SMG7: variants seen among roughly 807,000 people sequenced by gnomAD.
SMG7 encodes SMG7 nonsense mediated mRNA decay factor.
A neutral mutation model predicts 148.2 loss-of-function variants in SMG7; 34 were observed. That is an observed-to-expected ratio of 0.23 (90% confidence interval 0.17 to 0.31). The LOEUF (loss-of-function observed/expected upper bound fraction) is 0.31. Among genes scored for constraint, SMG7 ranks in the 10% least tolerant of loss-of-function variants. The probability of loss-of-function intolerance (pLI) is 1.00; values close to 1 mark genes in which losing one functional copy is unlikely to be tolerated. For missense variants in SMG7, 1,114 were observed against 1,408.4 expected, an observed-to-expected ratio of 0.79 and a Z score of 3.35; for synonymous variants, 492 against 515.1, an observed-to-expected ratio of 0.96 and a Z score of 0.61.
At chr1:183,536,170 C>T (rs1373915187) in intron 10 of SMG7, among the ~76,000 whole-genome samples, 1 of 151,922 alleles carries the variant, frequency 6.6e-6, no homozygotes, top group African/African-American at 2.4e-5. Context: ...AGGTAAGCTT[C>T]ATATTAAGGA....
intron 1 of SMG7, among the ~76,000 whole-genome samples, chr1:183,485,175 G>A (rs917756852): frequency 1.3e-5 from 2 of 152,040 alleles, no homozygotes; most frequent in South Asian, 4.2e-4. Context: ...GGCAGAGCTG[G>A]GTTTTGAACC....
rs536954379 is a variant in SMG7, at chr1:183,523,560, A to G, written c.313-3036A>G. On this transcript the variant is annotated intron_variant, in intron 4 of 22. Coordinates refer to ENST00000688051, the MANE Select transcript of SMG7 (RefSeq NM_001375584.1). Reference sequence around the variant, plus strand: ...AGGAAACTACTACAAAGTAATGTACATCAGGGTCAACCTATATGAAGGTAG... The same window carrying G: ...AGGAAACTACTACAAAGTAATGTACGTCAGGGTCAACCTATATGAAGGTAG... Among the ~76,000 whole-genome samples, 18 of 152,360 alleles carry G rather than the reference A, an allele frequency of 1.2e-4. No individual in the cohort carries two copies. The South Asian group carries it at 2.7e-3, about 23-fold the overall frequency.
At position 183,553,043 on chromosome 1, in the gene SMG7, A is replaced by G; in HGVS notation, c.*1112A>G. On this transcript the variant is annotated 3_prime_UTR_variant, in exon 23 of 23. Transcript: ENST00000688051. ...GTCTGAAGAGGAAGGAAGCAGCAGT[A>G]TCTGCGTAGCCCACAGAGGGCCCAG... The G allele has an allele frequency of 1.3e-6, 2 of 1,536,260 alleles. No homozygotes were observed. The highest frequency in any genetic ancestry group is 1.7e-6 in the Non-Finnish European group (2 of 1,146,932).
At chr1:183,547,042 CT>C in intron 17 of SMG7, 60 bp from the exon 18 acceptor site, 1 of 1,467,818 alleles carries the variant, frequency 6.8e-7, no homozygotes, top group Non-Finnish European at 9.2e-7. Flanking sequence ...AATTATGCTA[CT>C]ATTCCTTTAT....
intron 22 of SMG7, 82 bp downstream of exon 22, chr1:183,551,272 TCTCAGGCC>T (rs1671004061): frequency 7.2e-7 from 1 of 1,389,978 alleles, no homozygotes; most frequent in African/African-American, 1.4e-5. Flanking sequence ...TAGCTAGACT[TCTCAGGCC>T]CTCGGAGTTG....
At chr1:183,484,427 C>T (rs1460165070) in intron 1 of SMG7, among the ~76,000 whole-genome samples, 1 of 151,070 alleles carries the variant, frequency 6.6e-6, no homozygotes, top group Non-Finnish European at 1.5e-5. Context: ...GATAGAGGGC[C>T]AGCTCATACC....
In SMG7 at chr1:183,550,762, C is replaced by G; in HGVS notation, c.3145C>G (p.Pro1049Ala). The stretch of plus-strand genomic sequence containing the variant: ...CTATTATTTAATAGATCATTCAACA[C>G]CAGCCAGCCAGTCTCCTCATTCCTC... ...SLPASSDHST[P>A]ASQSPHSSNP... The change falls in exon 21 of 23, where the codon CCA becomes GCA. Residue 1049 changes from proline to alanine, a missense_variant. Transcript: ENST00000688051. 2 of 1,613,934 alleles carry G rather than the reference C, an allele frequency of 1.2e-6. No homozygotes were observed. The highest frequency in any genetic ancestry group is 1.7e-6 in the Non-Finnish European group (2 of 1,179,842).
Position 183,503,400 on chromosome 1 carries a change from A to G in SMG7, c.30-9437A>G, listed in dbSNP as rs552990208. Among the ~76,000 whole-genome samples, 14 of 152,356 alleles carry G rather than the reference A, an allele frequency of 9.2e-5. No individual in the cohort carries two copies. The East Asian group carries it at 2.3e-3, about 25-fold the overall frequency. The stretch of plus-strand genomic sequence containing the variant: ...GTATTTGTTAAATAACGTAATCAGA[A>G]CTAATGTTTGGAGAAAAATAAAAAA... On this transcript the variant is annotated intron_variant, in intron 1 of 22. Coordinates refer to ENST00000688051, the MANE Select transcript of SMG7 (RefSeq NM_001375584.1).
intron 18 of SMG7, among the ~76,000 whole-genome samples, chr1:183,548,196 A>G (rs1269892161): frequency 6.6e-6 from 1 of 152,184 alleles, no homozygotes; most frequent in Non-Finnish European, 1.5e-5. Context: ...TTGCCTGGGT[A>G]GTAGCAGTAG....
chr1:183,549,193 T>C lies in SMG7; in HGVS notation c.2893-15T>C, dbSNP rs1255339193. 3 of 1,597,896 alleles carry C rather than the reference T, an allele frequency of 1.9e-6. No individual in the cohort carries two copies. Among genetic ancestry groups the C allele is most frequent in the Middle Eastern group, 1.7e-4 (1 of 6,024 alleles). On this transcript the variant is annotated splice_polypyrimidine_tract_variant and intron_variant, in intron 18 of 22. Transcript: ENST00000688051. ...AAGGTATAACTTAATTACCTTTTTT[T>C]CTGGGACTGTGAAGAAATCCTTATT...
Position 183,548,816 on chromosome 1 carries a change from T to C in SMG7, c.2893-392T>C, listed in dbSNP as rs148323966. ...TGAAAGGCTTTTTAAAAGTCACCAA[T>C]GTTAATGTTTTAAAAATTGTGGGGT... On this transcript the variant is annotated intron_variant, in intron 18 of 22. Coordinates refer to ENST00000688051, the MANE Select transcript of SMG7 (RefSeq NM_001375584.1). 1.4e-3 allele frequency: 250 copies of C among 179,044 alleles called. 1 individual carries two copies. The highest frequency in any genetic ancestry group is 5.6e-3 in the African/African-American group (236 of 42,344). 11.1% of individuals were successfully genotyped at this position (179,044 alleles called of 1,614,324 possible).
In SMG7 at chr1:183,545,293, A is replaced by G. The variant is rs1391931373; in HGVS notation, c.2351A>G (p.His784Arg). Residue 784 changes from histidine (H) to arginine (R), a missense_variant, in exon 16 of 23, where the codon CAC (histidine) becomes CGC (arginine). His to Arg is a conservative substitution (Grantham distance 29). This residue lies in a region of SMG7 where 788 missense variants were observed against 894.5 expected (regional missense o/e 0.88). Coordinates refer to ENST00000688051, the MANE Select transcript of SMG7 (RefSeq NM_001375584.1). ...AVPALGKSPP[H>R]HSGFQQYQQA... ...CCGGCTTTGGGGAAAAGCCCGCCTC[A>G]CCACTCTGGATTCCAGCAGGTAAGT... The G allele has an allele frequency of 6.2e-7, 1 of 1,610,202 alleles. No homozygotes were observed. Among genetic ancestry groups the G allele is most frequent in the Non-Finnish European group, 8.5e-7 (1 of 1,179,886 alleles).
intron 14 of SMG7, among the ~76,000 whole-genome samples, chr1:183,543,990 A>G (rs893812432): frequency 6.6e-6 from 1 of 152,202 alleles, no homozygotes; most frequent in Non-Finnish European, 1.5e-5. Context: ...AATGAATTAG[A>G]GTATAGAGAA....
At chr1:183,482,825 A>G (rs183077161) in intron 1 of SMG7, among the ~76,000 whole-genome samples, 2 of 152,302 alleles carry the variant, frequency 1.3e-5, no homozygotes, top group African/African-American at 4.8e-5. Context: ...ATGGAGGACT[A>G]ATGTACATGT....
chr1:183,482,455 C>G (rs932874465), intron 1 of SMG7, among the ~76,000 whole-genome samples: 1 of 151,668 alleles, frequency 6.6e-6, no homozygotes, highest in Non-Finnish European at 1.5e-5. Flanking sequence ...AAAAAAATAG[C>G]TATTTGGAAC....
chr1:183,551,809 G>GT lies in SMG7; in HGVS notation c.3451-4dup. 1.3e-6 allele frequency: 2 copies of GT among 1,594,140 alleles called. No homozygotes were observed. The highest frequency in any genetic ancestry group is 1.7e-6 in the Non-Finnish European group (2 of 1,166,356). On this transcript the variant is annotated splice_polypyrimidine_tract_variant and intron_variant, in intron 22 of 22. Transcript: ENST00000688051. Reference sequence around the variant, plus strand: ...GACCTCTGCTGACAAGATCTGGACTGTTTTTCAGTCTATCTGGTCCAGTTC... The same window carrying GT: ...GACCTCTGCTGACAAGATCTGGACTGTTTTTTCAGTCTATCTGGTCCAGTTC...
intron 3 of SMG7, among the ~76,000 whole-genome samples, chr1:183,516,517 C>T (rs1663583346): frequency 6.6e-6 from 1 of 152,122 alleles, no homozygotes. Flanking sequence ...CTTCTTCTTT[C>T]TATAAGGGGC....
At chr1:183,482,406 TC>T (rs968458841) in intron 1 of SMG7, among the ~76,000 whole-genome samples, 2 of 151,378 alleles carry the variant, frequency 1.3e-5, no homozygotes, top group African/African-American at 4.9e-5. Context: ...TTAGATTTCC[TC>T]CCCCTACTTT....
chr1:183,546,466 T>C, intron 17 of SMG7, 129 bp downstream of exon 17: 1 of 960,006 alleles, frequency 1.0e-6, no homozygotes, highest in Non-Finnish European at 1.5e-6. Context: ...CCACTGAGTA[T>C]TGGTGTAGCT....
Sources: allele counts gnomAD v4.1 joint callset (sites outside exome capture counted in the v4.1 genomes callset), GRCh38; gene constraint gnomAD v4.1.1; regional missense constraint gnomAD v4.1.1; transcripts MANE v1.5; gene names NCBI Gene and HGNC (gene_info 2026-07-23, HGNC 2026-07-21).